Variants in SCN9A observed in about 807,000 individuals in gnomAD.
SCN9A encodes sodium channel protein type 9 subunit alpha.
In SCN9A, 131 loss-of-function variants were observed where a neutral mutation model predicts 187.0. That is an observed-to-expected ratio of 0.70 (90% CI 0.61 to 0.81). The LOEUF (loss-of-function observed/expected upper bound fraction) is 0.81, where lower values mean the gene tolerates loss of function less well. SCN9A is among the 30% of genes least tolerant of loss of function. SCN9A has a pLI of 0.00. For synonymous variants in SCN9A, 809 were observed against 808.6 expected (o/e 1.00, Z -0.01); for missense variants, 2,252 against 2,396.6 (o/e 0.94, Z 1.26).
rs760417571 is a variant in SCN9A at position 166,238,118 on chromosome 2, A to G, written c.3777T>C (p.Cys1259=). 21 of 1,611,466 alleles carry G rather than the reference A, an allele frequency of 1.3e-5. No homozygotes were observed. Among genetic ancestry groups the G allele is most frequent in the Non-Finnish European group, 1.8e-5 (21 of 1,178,626 alleles). The part of the protein sequence containing the change: ...GYKTYFTNAW[C]WLDFLIVDVS... Reference sequence around the variant, plus strand: ...CATCAACAATTAGGAAATCCAGCCAACACCAGGCATTGGTGAAATATGTTT... The same window carrying G: ...CATCAACAATTAGGAAATCCAGCCAGCACCAGGCATTGGTGAAATATGTTT... The change falls in exon 20 of 27, where the codon TGT becomes TGC. Residue 1259 remains cysteine, a synonymous_variant. Coordinates refer to ENST00000642356, the MANE Select transcript of SCN9A (RefSeq NM_001365536.1).
At chr2:166,308,123 T>C (rs1262682119) in intron 2 of SCN9A, among the ~76,000 whole-genome samples, 1 of 152,234 alleles carries the variant, frequency 6.6e-6, no homozygotes, top group East Asian at 1.9e-4. Context: ...GTATCAGTTC[T>C]ATCTAAATAC....
intron 1 of SCN9A, among the ~76,000 whole-genome samples, chr2:166,331,585 T>C (rs1337904889): frequency 2.0e-5 from 3 of 152,216 alleles, no homozygotes; most frequent in Non-Finnish European, 4.4e-5. Context: ...GAGCAAGACA[T>C]CCTAATATTT....
chr2:166,221,698 C>T (rs970578171), intron 24 of SCN9A, among the ~76,000 whole-genome samples: 2 of 152,072 alleles, frequency 1.3e-5, no homozygotes, highest in African/African-American at 4.8e-5. Context: ...GCACCCAGTC[C>T]CCACAGGTCC....
intron 20 of SCN9A, among the ~76,000 whole-genome samples, chr2:166,234,786 T>C (rs1695241780): frequency 6.6e-6 from 1 of 152,180 alleles, no homozygotes; most frequent in Admixed American, 6.5e-5. Flanking sequence ...TTTGAATGTT[T>C]GTCCCTTTTG....
chr2:166,362,720 A>G (rs895577267), intron 1 of SCN9A, among the ~76,000 whole-genome samples: 2 of 151,838 alleles, frequency 1.3e-5, no homozygotes, highest in Non-Finnish European at 2.9e-5. Flanking sequence ...AGGAATTAAA[A>G]TTATTAAATT....
chr2:166,201,772 C>T (rs1335421496), intron 26 of SCN9A, among the ~76,000 whole-genome samples: 1 of 151,266 alleles, frequency 6.6e-6, no homozygotes, highest in African/African-American at 2.4e-5. Context: ...TACTAATTAA[C>T]ATTTCTAATG....
intron 1 of SCN9A, among the ~76,000 whole-genome samples, chr2:166,332,454 G>A (rs1328912326): frequency 2.0e-5 from 3 of 152,132 alleles, no homozygotes; most frequent in Non-Finnish European, 4.4e-5. Context: ...TGGGAACTAG[G>A]TTATGACCAA....
intron 19 of SCN9A, 52 bp from the exon 20 acceptor site, chr2:166,238,319 TCATTTAAAAAAAA>T: frequency 8.3e-7 from 1 of 1,210,250 alleles, no homozygotes; most frequent in Non-Finnish European, 1.1e-6. Context: ...GCTTCATGAT[TCATTTAAAAAAAA>T]CAGGAAAAAT....
At chr2:166,254,887 C>A (rs1267100179) in intron 17 of SCN9A, among the ~76,000 whole-genome samples, 2 of 151,342 alleles carry the variant, frequency 1.3e-5, no homozygotes, top group Non-Finnish European at 3.0e-5. Flanking sequence ...AGAAGGTGGA[C>A]TCACTAGTAT....
At chr2:166,228,247 C>CTTTTTTTTTTTTTTTTTTTTT (rs33924683) in intron 22 of SCN9A, among the ~76,000 whole-genome samples, 2 of 85,972 alleles carry the variant, frequency 2.3e-5, no homozygotes, top group African/African-American at 9.2e-5. Flanking sequence ...AAGACCAACA[C>CTTTTTTTTTTTTTTTTTTTTT]TTTTTTTTTT....
chr2:166,297,072 C>T (rs1698335599), intron 7 of SCN9A, among the ~76,000 whole-genome samples: 1 of 151,446 alleles, frequency 6.6e-6, no homozygotes, highest in African/African-American at 2.4e-5. Context: ...TGGCGGGCAC[C>T]TGTAGTCCCA....
chr2:166,268,136 T>C (rs1184931068), intron 17 of SCN9A, among the ~76,000 whole-genome samples: 1 of 152,004 alleles, frequency 6.6e-6, no homozygotes, highest in East Asian at 1.9e-4. Context: ...AATAAGCATT[T>C]GTCTAATTAT....
At chr2:166,315,719 G>T (rs1699092832) in intron 1 of SCN9A, among the ~76,000 whole-genome samples, 1 of 152,164 alleles carries the variant, frequency 6.6e-6, no homozygotes, top group Non-Finnish European at 1.5e-5. Flanking sequence ...GTGGCAAGAT[G>T]ATAGGCTGAC....
intron 17 of SCN9A, among the ~76,000 whole-genome samples, chr2:166,271,331 C>T (rs1696974736): frequency 6.6e-6 from 1 of 151,986 alleles, no homozygotes; most frequent in Admixed American, 6.6e-5. Context: ...TTAACCCTGA[C>T]CCAACTGCGA....
rs1256600829 is a variant in SCN9A at position 166,303,315 on chromosome 2, GA to G, written c.689-14del. ...ATTGTCTTCAGGCCTGAAAATGGGA[GA>G]AAAAAGTGTTTGTAATGACATAAAG... On this transcript the variant is annotated splice_polypyrimidine_tract_variant and intron_variant, in intron 6 of 26. Transcript: ENST00000642356. 2.5e-6 allele frequency: 4 copies of G among 1,599,912 alleles called. No individual in the cohort carries two copies. The highest frequency in any genetic ancestry group is 1.7e-5 in the Admixed American group (1 of 57,178).
chr2:166,233,373 A>C lies in SCN9A; in HGVS notation c.3891T>G (p.Pro1297=). Residue 1297 remains proline (P), a synonymous_variant, in exon 21 of 27, where the codon CCT becomes CCG. Coordinates refer to ENST00000642356, the MANE Select transcript of SCN9A (RefSeq NM_001365536.1). ...CTTCAAATCTAGATAAGGCTCTTAG[A>C]GGTCTTAAAGCTCTCAGTGTCCGAA... ...KSLRTLRALR[P]LRALSRFEGM... 3.8e-6 allele frequency: 6 copies of C among 1,568,122 alleles called. No individual in the cohort carries two copies. Among genetic ancestry groups the C allele is most frequent in the Non-Finnish European group, 5.2e-6 (6 of 1,161,800 alleles).
chr2:166,327,099 C>T, intron 1 of SCN9A, among the ~76,000 whole-genome samples: 1 of 152,104 alleles, frequency 6.6e-6, no homozygotes, highest in Admixed American at 6.6e-5. Context: ...TGCGTTTATA[C>T]CACAGAAGGA....
At chr2:166,372,209 C>T (rs1163749668) in intron 1 of SCN9A, among the ~76,000 whole-genome samples, 1 of 151,992 alleles carries the variant, frequency 6.6e-6, no homozygotes, top group African/African-American at 2.4e-5. Flanking sequence ...GATGGGTCTT[C>T]ATGGATAAGC....
At chr2:166,317,985 G>A (rs1699147776) in intron 1 of SCN9A, among the ~76,000 whole-genome samples, 1 of 152,136 alleles carries the variant, frequency 6.6e-6, no homozygotes, top group Non-Finnish European at 1.5e-5. Context: ...GATTTCTATG[G>A]CAAATATGTG....
Sources: allele counts gnomAD v4.1 joint callset (sites outside exome capture counted in the v4.1 genomes callset), GRCh38; gene constraint gnomAD v4.1.1; transcripts MANE v1.5; gene names NCBI Gene and HGNC (gene_info 2026-07-23, HGNC 2026-07-21).